The following PTPRT variants were observed in gnomAD, a reference collection of about 807,000 sequenced individuals.
The protein encoded by PTPRT is protein tyrosine phosphatase receptor type T.
In PTPRT, 56 loss-of-function variants were observed where a neutral mutation model predicts 176.8. That is an observed-to-expected ratio of 0.32 (90% CI 0.26 to 0.40). The LOEUF (loss-of-function observed/expected upper bound fraction) is 0.40, where lower values mean the gene tolerates loss of function less well. Ranked by LOEUF, PTPRT falls within the 10% of genes least tolerant of loss-of-function variation. The probability of loss-of-function intolerance (pLI) is 1.00; values close to 1 mark genes in which losing one functional copy is unlikely to be tolerated. For synonymous variants in PTPRT, 783 were observed against 739.0 expected (o/e 1.06, Z -0.96); for missense variants, 1,540 against 1,908.2 (o/e 0.81, Z 3.60).
intron 1 of PTPRT, among the ~76,000 whole-genome samples, chr20:43,007,659 A>T (rs1984918757): frequency 6.6e-6 from 1 of 152,168 alleles, no homozygotes; most frequent in Non-Finnish European, 1.5e-5. Flanking sequence ...AAGCTTTTCT[A>T]CCGTAAGGGC....
Position 42,383,322 on chromosome 20 carries a change from T to A in PTPRT, c.1561-31037A>T, listed in dbSNP as rs142502330. Among the ~76,000 whole-genome samples, 365 of 152,184 alleles carry A rather than the reference T, an allele frequency of 2.4e-3. 1 individual carries two copies. The highest frequency in any genetic ancestry group is 8.3e-3 in the African/African-American group (346 of 41,510). Reference sequence around the variant, plus strand: ...TGGCTTCCCTGGTGCCTGGACTGGATGCTGTGATCCATGGCTTATGTGACT... The same window carrying A: ...TGGCTTCCCTGGTGCCTGGACTGGAAGCTGTGATCCATGGCTTATGTGACT... On this transcript the variant is annotated intron_variant, in intron 9 of 30. Transcript: ENST00000373187.
At chr20:42,107,045 A>G in intron 23 of PTPRT, 124 bp from the exon 24 acceptor site, 1 of 1,253,674 alleles carries the variant, frequency 8.0e-7, no homozygotes, top group East Asian at 2.4e-5. Context: ...GTGTTCCCAC[A>G]TTTCCTTTCT....
intron 7 of PTPRT, among the ~76,000 whole-genome samples, chr20:42,646,801 A>G (rs779330787): frequency 8.8e-5 from 13 of 147,678 alleles, no homozygotes; most frequent in Non-Finnish European, 1.8e-4. Context: ...TCCCTCCTCA[A>G]CAGGTTCCTC....
At chr20:42,252,729 TA>T (rs2056567289) in intron 13 of PTPRT, among the ~76,000 whole-genome samples, 1 of 152,152 alleles carries the variant, frequency 6.6e-6, no homozygotes, top group South Asian at 2.1e-4. Flanking sequence ...GCAACGACCA[TA>T]AACCTACAAA....
At chr20:42,388,671 T>C (rs966669971) in intron 9 of PTPRT, among the ~76,000 whole-genome samples, 5 of 152,236 alleles carry the variant, frequency 3.3e-5, no homozygotes, top group Non-Finnish European at 7.3e-5. Flanking sequence ...CTTTTACACG[T>C]TGGTGGGACT....
chr20:42,905,074 A>C (rs1308068039), intron 1 of PTPRT, among the ~76,000 whole-genome samples: 6 of 152,238 alleles, frequency 3.9e-5, no homozygotes, highest in Admixed American at 2.0e-4. Context: ...AATGGGATCT[A>C]ATTAAACTAA....
chr20:42,674,837 C>A (rs1355653980), intron 7 of PTPRT, among the ~76,000 whole-genome samples: 1 of 152,190 alleles, frequency 6.6e-6, no homozygotes, highest in Non-Finnish European at 1.5e-5. Flanking sequence ...CCACGATACA[C>A]CACTGAGATA....
chr20:42,855,770 G>GA lies in PTPRT; in HGVS notation c.214+30036dup, dbSNP rs113446878. 2.6e-4 allele frequency among the ~76,000 whole-genome samples: 39 copies of GA among 148,342 alleles called. 1 individual carries two copies. The highest frequency in any genetic ancestry group is 1.9e-3 in the South Asian group (9 of 4,678). On this transcript the variant is annotated intron_variant, in intron 2 of 30. Coordinates refer to ENST00000373187, the MANE Select transcript of PTPRT (RefSeq NM_007050.6). ...AAGATGGAAAAGTACTGTTGGCAAGGAAAAAAAAAATGTGTAATGGACAGA... is the reference window on the plus strand; with the variant it reads ...AAGATGGAAAAGTACTGTTGGCAAGGAAAAAAAAAAATGTGTAATGGACAGA...
chr20:42,224,525 T>G (rs1804277627), intron 15 of PTPRT, among the ~76,000 whole-genome samples: 1 of 152,224 alleles, frequency 6.6e-6, no homozygotes, highest in Admixed American at 6.5e-5. Context: ...AATTCTCAAC[T>G]AAGGTTCTGG....
the PTPRT span, among the ~76,000 whole-genome samples, chr20:42,050,271 G>A: frequency 4.7e-4 from 71 of 152,168 alleles, no homozygotes; most frequent in Non-Finnish European, 2.2e-4. Context: ...TGTCTGAGGC[G>A]TTTGGTCTCT....
chr20:42,195,019 G>A (rs1452453805), intron 16 of PTPRT, among the ~76,000 whole-genome samples: 3 of 152,158 alleles, frequency 2.0e-5, no homozygotes, highest in African/African-American at 7.2e-5. Flanking sequence ...GGTGGGGGAT[G>A]GGGGAGGGAT....
chr20:43,013,385 C>A (rs549298624), intron 1 of PTPRT, among the ~76,000 whole-genome samples: 2 of 152,124 alleles, frequency 1.3e-5, no homozygotes, highest in South Asian at 4.1e-4. Flanking sequence ...ACCAGCCAAT[C>A]CAAGAAAATA....
intron 9 of PTPRT, among the ~76,000 whole-genome samples, chr20:42,353,860 C>A (rs187385073): frequency 1.3e-5 from 2 of 152,138 alleles, no homozygotes; most frequent in East Asian, 3.9e-4. Context: ...CCAGTCTGGG[C>A]AACACAGTAG....
intron 7 of PTPRT, among the ~76,000 whole-genome samples, chr20:42,551,763 C>A (rs1326622346): frequency 6.6e-6 from 1 of 152,148 alleles, no homozygotes; most frequent in Non-Finnish European, 1.5e-5. Context: ...CTTCTGGAAC[C>A]CTTCACCTAC....
intron 9 of PTPRT, among the ~76,000 whole-genome samples, chr20:42,402,603 T>C (rs1010883051): frequency 6.6e-6 from 1 of 151,712 alleles, no homozygotes; most frequent in African/African-American, 2.4e-5. Flanking sequence ...ATATGCGGCA[T>C]TTACAAGACA....
At chr20:43,008,717 G>A (rs1473927295) in intron 1 of PTPRT, among the ~76,000 whole-genome samples, 16 of 152,012 alleles carry the variant, frequency 1.1e-4, no homozygotes, top group East Asian at 1.9e-4. Context: ...AAAGAACTAC[G>A]AGAAATAAAT....
intron 2 of PTPRT, among the ~76,000 whole-genome samples, chr20:42,793,974 T>C (rs1319230896): frequency 6.6e-6 from 1 of 152,134 alleles, no homozygotes; most frequent in Admixed American, 6.6e-5. Context: ...GCTCCTGTCC[T>C]CCTGCCAATT....
intron 1 of PTPRT, among the ~76,000 whole-genome samples, chr20:43,097,314 C>T (rs1399265509): frequency 6.6e-6 from 1 of 152,180 alleles, no homozygotes; most frequent in Non-Finnish European, 1.5e-5. Context: ...TTTTTCCCCA[C>T]TCAGAAAACG....
At chr20:42,232,835 A>C (rs2056163681) in intron 15 of PTPRT, among the ~76,000 whole-genome samples, 1 of 149,780 alleles carries the variant, frequency 6.7e-6, no homozygotes, top group Non-Finnish European at 1.5e-5. Flanking sequence ...AAAAAAAAAA[A>C]AGGTGAAAGG....
Sources: allele counts gnomAD v4.1 joint callset (sites outside exome capture counted in the v4.1 genomes callset), GRCh38; gene constraint gnomAD v4.1.1; transcripts MANE v1.5; gene names NCBI Gene and HGNC (gene_info 2026-07-23, HGNC 2026-07-21).